ADAM28: variants seen among roughly 807,000 people sequenced by gnomAD.
ADAM28 encodes ADAM metallopeptidase domain 28, also known as disintegrin and metalloproteinase domain-containing protein 28.
ADAM28 carries 105 observed loss-of-function variants against 101.2 expected under a neutral mutation model. That is an observed-to-expected ratio of 1.04 (90% CI 0.89 to 1.22). The LOEUF (loss-of-function observed/expected upper bound fraction) is 1.22. ADAM28 is among the 50% of genes most tolerant of loss of function. The pLI is 0.00. For missense variants in ADAM28, 1,028 were observed against 945.4 expected, an observed-to-expected ratio of 1.09 and a Z score of -1.15; for synonymous variants, 322 against 310.6, an observed-to-expected ratio of 1.04 and a Z score of -0.39.
At chr8:24,343,051 C>T (rs1197749286) in intron 16 of ADAM28, 50 bp from the exon 17 acceptor site, 53 of 1,611,740 alleles carry the variant, frequency 3.3e-5, no homozygotes, top group Non-Finnish European at 4.3e-5. Context: ...TCAACTTTCT[C>T]ATCTACGTTC....
rs1199618141 is a variant in ADAM28 at position 24,354,834 on chromosome 8, A to G, written c.*430A>G. On this transcript the variant is annotated 3_prime_UTR_variant, in exon 23 of 23. Transcript: ENST00000265769. ...ACTTGTCAAATTACAATCACAGTTA[A>G]GAAAATGATGTAAAATTCTGTTTTG... is the stretch of plus-strand genomic sequence containing the variant. 1 of 153,660 alleles carries G rather than the reference A, an allele frequency of 6.5e-6. No individual in the cohort carries two copies. Among genetic ancestry groups the G allele is most frequent in the Non-Finnish European group, 1.5e-5 (1 of 68,938 alleles). The allele number at this position is 153,660 out of a possible 1,614,324, so 9.5% of individuals were successfully genotyped here.
chr8:24,296,456 T>G (rs972538098), intron 1 of ADAM28, among the ~76,000 whole-genome samples: 4 of 152,218 alleles, frequency 2.6e-5, no homozygotes, highest in African/African-American at 7.2e-5. Flanking sequence ...GTGTTCAGTT[T>G]GGAAAGAAGA....
At chr8:24,325,102 C>T (rs1167007595) in intron 9 of ADAM28, 1 of 151,926 alleles carries the variant, frequency 6.6e-6, no homozygotes, top group Non-Finnish European at 1.5e-5. Context: ...GAGTTTTAGA[C>T]TCGAGAGCCC....
In ADAM28 at chr8:24,358,014, G is replaced by A. The variant is rs982351809; in HGVS notation, c.*3610G>A. 2 of 146,216 alleles carry A rather than the reference G, an allele frequency of 1.4e-5. No homozygotes were observed. Among genetic ancestry groups the A allele is most frequent in the African/African-American group, 4.9e-5 (2 of 40,938 alleles). 9.1% of individuals were successfully genotyped at this position (146,216 alleles called of 1,614,324 possible). On this transcript the variant is annotated 3_prime_UTR_variant, in exon 23 of 23. Coordinates refer to ENST00000265769, the MANE Select transcript of ADAM28 (RefSeq NM_014265.6). ...GTTGTTTCTCTTGTTTACTTATATA[G>A]TTGTTTCTCTTGTTTACTTAATAAC...
At chr8:24,347,765 C>T (rs940573638) in intron 18 of ADAM28, among the ~76,000 whole-genome samples, 6 of 151,994 alleles carry the variant, frequency 3.9e-5, no homozygotes, top group African/African-American at 1.4e-4. Context: ...TGAAATGGTG[C>T]TGTGTCTATC....
intron 16 of ADAM28, among the ~76,000 whole-genome samples, chr8:24,342,067 C>T (rs1399798260): frequency 2.6e-5 from 4 of 152,154 alleles, no homozygotes; most frequent in African/African-American, 7.2e-5. Flanking sequence ...CAGTAGCATC[C>T]GTTTAACTTT....
chr8:24,330,230 G>T (rs1238194525), intron 11 of ADAM28, 115 bp downstream of exon 11: 5 of 1,272,856 alleles, frequency 3.9e-6, no homozygotes, highest in Admixed American at 2.5e-5. Flanking sequence ...GTCACTAAAT[G>T]TGCATTTGTG....
intron 2 of ADAM28, among the ~76,000 whole-genome samples, chr8:24,307,909 T>A (rs879932666): frequency 1.3e-5 from 2 of 152,324 alleles, no homozygotes; most frequent in African/African-American, 4.8e-5. Flanking sequence ...GGATTTACTG[T>A]AAGTTTTGAA....
Position 24,355,576 on chromosome 8 carries a change from T to G in ADAM28, c.*1172T>G, listed in dbSNP as rs1006159792. On this transcript the variant is annotated 3_prime_UTR_variant, in exon 23 of 23. Coordinates refer to ENST00000265769, the MANE Select transcript of ADAM28 (RefSeq NM_014265.6). ...TATGTTACAACACTTCTGGAAAATT[T>G]TTCCTCGTCTCTTTTTCTGGATATG... 1 of 152,050 alleles carries G rather than the reference T, an allele frequency of 6.6e-6. No homozygotes were observed. Among genetic ancestry groups the G allele is most frequent in the Non-Finnish European group, 1.5e-5 (1 of 67,998 alleles). The allele number at this position is 152,050 out of a possible 1,614,324, so 9.4% of individuals were successfully genotyped here. A position where few individuals can be genotyped will look rare whatever the true frequency, so the allele number is the denominator to read the frequency against.
At chr8:24,351,748 T>TAACA (rs1192785806) in intron 20 of ADAM28, among the ~76,000 whole-genome samples, 1 of 152,342 alleles carries the variant, frequency 6.6e-6, no homozygotes, top group Admixed American at 6.5e-5. Flanking sequence ...AGTTGGTTAA[T>TAACA]AACATTGGTA....
chr8:24,304,702 C>T (rs1809308938), intron 2 of ADAM28, among the ~76,000 whole-genome samples: 1 of 151,708 alleles, frequency 6.6e-6, no homozygotes, highest in African/African-American at 2.4e-5. Context: ...CTGTCTCTAT[C>T]AAAAATACAA....
rs1816214586 is a variant in ADAM28 at position 24,352,012 on chromosome 8, A to G, written c.2204A>G (p.Tyr735Cys). 1.2e-6 allele frequency: 2 copies of G among 1,613,746 alleles called. No individual in the cohort carries two copies. Among genetic ancestry groups the G allele is most frequent in the South Asian group, 2.2e-5 (2 of 91,074 alleles). The change falls in exon 21 of 23, where the codon TAT becomes TGT. Residue 735 changes from tyrosine to cysteine, a missense_variant. Physicochemically the swap from Tyr to Cys is radical, Grantham distance 194. Coordinates refer to ENST00000265769, the MANE Select transcript of ADAM28 (RefSeq NM_014265.6). ...ATGAGTCAGATGAAGCCCCATGTGT[A>G]TGATCTGCCAGTAGAAGGCAATGAG... ...QEMSQMKPHV[Y>C]DLPVEGNEPP...
In ADAM28 at chr8:24,335,675, C is replaced by T. The variant is rs6982284; in HGVS notation, c.1567+34C>T. 4,030 of 1,521,228 alleles carry T rather than the reference C, an allele frequency of 2.6e-3. 100 individuals carry two copies. In the African/African-American group the frequency reaches 0.05, roughly 19 times the overall value. 94.2% of individuals were successfully genotyped at this position (1,521,228 alleles called of 1,614,324 possible). ...ACAAATCCTTTCCCCTGTGCATGTGCGAAGGAAAATCATTTCAGATGACAG... is the reference window on the plus strand; with the variant it reads ...ACAAATCCTTTCCCCTGTGCATGTGTGAAGGAAAATCATTTCAGATGACAG... On this transcript the variant is annotated intron_variant, in intron 14 of 22. Coordinates refer to ENST00000265769, the MANE Select transcript of ADAM28 (RefSeq NM_014265.6).
chr8:24,298,414 A>G (rs545522477), intron 1 of ADAM28, among the ~76,000 whole-genome samples: 44 of 152,326 alleles, frequency 2.9e-4, no homozygotes, highest in Non-Finnish European at 4.4e-4. Context: ...TTCTCGAGTA[A>G]TTTTTAAAAA....
rs530155714 is a variant in ADAM28, at chr8:24,323,952, G to A, written c.839G>A (p.Arg280Lys). The A allele has an allele frequency of 6.2e-7, 1 of 1,612,082 alleles. No individual in the cohort carries two copies. Among genetic ancestry groups the A allele is most frequent in the South Asian group, 1.1e-5 (1 of 91,022 alleles). ...ACCTTGGAGAATTTTTCTAAATGGA[G>A]GGGGAGTGTTCTCTCAAGAAGAAAG... The part of the protein sequence containing the change: ...SFTLENFSKW[R>K]GSVLSRRKRH... Residue 280 changes from arginine (R) to lysine (K), a missense_variant, in exon 9 of 23, where the codon AGG becomes AAG. Transcript: ENST00000265769.
chr8:24,338,098 A>T (rs1814310110), intron 14 of ADAM28, among the ~76,000 whole-genome samples: 1 of 152,186 alleles, frequency 6.6e-6, no homozygotes, highest in Non-Finnish European at 1.5e-5. Flanking sequence ...GCATACACAA[A>T]ATCTAAAAAT....
chr8:24,330,256 T>C (rs965501478), intron 11 of ADAM28, 141 bp downstream of exon 11: 40 of 948,306 alleles, frequency 4.2e-5, no homozygotes, highest in Non-Finnish European at 6.1e-5. Context: ...CCACCTCATC[T>C]ATGGGTAATA....
chr8:24,313,183 A>G (rs1810699265), intron 5 of ADAM28, among the ~76,000 whole-genome samples: 3 of 152,180 alleles, frequency 2.0e-5, no homozygotes, highest in East Asian at 1.9e-4. Flanking sequence ...TCTCCTTAAT[A>G]TGTCTTATTT....
At chr8:24,295,393 AATAT>A (rs1364424802) in intron 1 of ADAM28, among the ~76,000 whole-genome samples, 1 of 152,116 alleles carries the variant, frequency 6.6e-6, no homozygotes, top group Non-Finnish European at 1.5e-5. Context: ...AAATATTAAA[AATAT>A]ATATAAAACT....
Sources: allele counts gnomAD v4.1 joint callset (sites outside exome capture counted in the v4.1 genomes callset), GRCh38; gene constraint gnomAD v4.1.1; transcripts MANE v1.5; gene names NCBI Gene and HGNC (gene_info 2026-07-23, HGNC 2026-07-21).